The following GRAMD1C variants were observed in gnomAD, a reference collection of about 807,000 sequenced individuals.
The protein encoded by GRAMD1C is protein Aster-C.
Under a neutral mutation model 97.8 loss-of-function variants are expected in GRAMD1C, and 89 were observed. That is an observed-to-expected ratio of 0.91 (90% confidence interval 0.77 to 1.09). The LOEUF is 1.09. Among genes scored for constraint, GRAMD1C ranks in the 50% least tolerant of loss-of-function variants. The pLI, the probability that GRAMD1C is intolerant of heterozygous loss-of-function variation, is 0.00. For missense variants in GRAMD1C, 740 were observed against 766.4 expected, an observed-to-expected ratio of 0.97 and a Z score of 0.41; for synonymous variants, 256 against 267.0, an observed-to-expected ratio of 0.96 and a Z score of 0.40.
At chr3:113,929,332 T>C (rs997594194) in intron 10 of GRAMD1C, among the ~76,000 whole-genome samples, 1 of 152,198 alleles carries the variant, frequency 6.6e-6, no homozygotes, top group African/African-American at 2.4e-5. Context: ...ACTTAGGTAT[T>C]GGAGGATTGA....
intron 2 of GRAMD1C, among the ~76,000 whole-genome samples, chr3:113,854,223 G>A (rs981040939): frequency 5.9e-5 from 9 of 152,164 alleles, no homozygotes; most frequent in African/African-American, 1.4e-4. Flanking sequence ...ATATACTACC[G>A]AATCTTCGGG....
chr3:113,941,241 T>C (rs1224296081), intron 17 of GRAMD1C, among the ~76,000 whole-genome samples: 1 of 152,240 alleles, frequency 6.6e-6, no homozygotes, highest in Non-Finnish European at 1.5e-5. Context: ...TTTGAAGGCA[T>C]TGCTCCATTA....
At chr3:113,856,882 C>T (rs1934153040) in intron 2 of GRAMD1C, among the ~76,000 whole-genome samples, 2 of 150,750 alleles carry the variant, frequency 1.3e-5, no homozygotes, top group Non-Finnish European at 2.9e-5. Context: ...CTCTGTTGCC[C>T]AGACTGGAGT....
intron 6 of GRAMD1C, chr3:113,890,648 G>A (rs768491366): frequency 1.0e-4 from 67 of 652,594 alleles, no homozygotes; most frequent in Non-Finnish European, 1.6e-4. Flanking sequence ...CTCAGAATCC[G>A]TGAGGTGCAT....
chr3:113,869,190 G>A (rs1934697373), intron 2 of GRAMD1C, among the ~76,000 whole-genome samples: 1 of 152,092 alleles, frequency 6.6e-6, no homozygotes, highest in Non-Finnish European at 1.5e-5. Flanking sequence ...CCTAAGTTCA[G>A]TGGATTTTCA....
chr3:113,905,114 A>G (rs1450576921), intron 8 of GRAMD1C, among the ~76,000 whole-genome samples: 1 of 152,190 alleles, frequency 6.6e-6, no homozygotes, highest in Non-Finnish European at 1.5e-5. Context: ...GATCACAGGC[A>G]TGAGCCAGCA....
chr3:113,896,025 G>A (rs953959564), intron 6 of GRAMD1C, among the ~76,000 whole-genome samples: 2 of 151,978 alleles, frequency 1.3e-5, no homozygotes, highest in Admixed American at 6.6e-5. Flanking sequence ...TTGATATTTC[G>A]ACAATGTAAA....
chr3:113,923,186 G>T (rs1463872170), intron 10 of GRAMD1C, among the ~76,000 whole-genome samples: 2 of 151,852 alleles, frequency 1.3e-5, no homozygotes, highest in African/African-American at 4.8e-5. Context: ...CACACTATGG[G>T]GTTTTCTAGG....
At chr3:113,864,696 A>G (rs749493260) in intron 2 of GRAMD1C, among the ~76,000 whole-genome samples, 13 of 152,338 alleles carry the variant, frequency 8.5e-5, no homozygotes, top group Non-Finnish European at 1.6e-4. Flanking sequence ...TTTACTGTCC[A>G]CATTTCTACG....
At chr3:113,935,521 T>C (rs1402389644) in intron 13 of GRAMD1C, among the ~76,000 whole-genome samples, 1 of 151,202 alleles carries the variant, frequency 6.6e-6, no homozygotes, top group Non-Finnish European at 1.5e-5. Flanking sequence ...CACACACATA[T>C]ATGCATGTAT....
intron 10 of GRAMD1C, among the ~76,000 whole-genome samples, chr3:113,922,759 C>A (rs933711584): frequency 6.6e-6 from 1 of 152,040 alleles, no homozygotes; most frequent in Non-Finnish European, 1.5e-5. Flanking sequence ...GGCTATTGGG[C>A]TCTTTTTTGG....
chr3:113,882,640 G>T (rs1577159628), intron 5 of GRAMD1C, 112 bp from the exon 6 acceptor site: 1 of 637,218 alleles, frequency 1.6e-6, no homozygotes, highest in Non-Finnish European at 2.9e-6. Context: ...AGTAGGCAGT[G>T]TTGACCTACT....
At chr3:113,914,190 G>A (rs910776487) in intron 9 of GRAMD1C, among the ~76,000 whole-genome samples, 5 of 152,094 alleles carry the variant, frequency 3.3e-5, no homozygotes, top group African/African-American at 1.2e-4. Flanking sequence ...AGGCCTAATT[G>A]GAAAGTTACC....
chr3:113,906,585 T>G (rs1234598172), intron 8 of GRAMD1C, among the ~76,000 whole-genome samples: 1 of 152,206 alleles, frequency 6.6e-6, no homozygotes, highest in Non-Finnish European at 1.5e-5. Context: ...GTCAAAAAGT[T>G]TTAAAAAAAA....
At chr3:113,831,981 T>C (rs995675141) in intron 1 of GRAMD1C, among the ~76,000 whole-genome samples, 1 of 152,190 alleles carries the variant, frequency 6.6e-6, no homozygotes, top group Non-Finnish European at 1.5e-5. Flanking sequence ...TTTCTTTGTG[T>C]ACCTTATAAT....
At chr3:113,941,418 A>G (rs1937768919) in intron 17 of GRAMD1C, among the ~76,000 whole-genome samples, 1 of 152,022 alleles carries the variant, frequency 6.6e-6, no homozygotes. Flanking sequence ...CCTGTTATTC[A>G]GATGTCAGCC....
At chr3:113,843,891 T>C (rs886754899) in intron 1 of GRAMD1C, among the ~76,000 whole-genome samples, 2 of 152,246 alleles carry the variant, frequency 1.3e-5, no homozygotes, top group African/African-American at 2.4e-5. Flanking sequence ...TCTATGTGTA[T>C]ATTAAATTGC....
chr3:113,888,410 A>C (rs768973453), intron 6 of GRAMD1C, among the ~76,000 whole-genome samples: 3 of 152,208 alleles, frequency 2.0e-5, no homozygotes, highest in Non-Finnish European at 4.4e-5. Context: ...CTGGAGATCA[A>C]ATGTGCACCA....
At chr3:113,877,402 C>G (rs1009316372) in intron 5 of GRAMD1C, among the ~76,000 whole-genome samples, 1 of 152,156 alleles carries the variant, frequency 6.6e-6, no homozygotes, top group African/African-American at 2.4e-5. Flanking sequence ...CAATAATATC[C>G]TTTATAGCAA....
Sources: allele counts gnomAD v4.1 joint callset (sites outside exome capture counted in the v4.1 genomes callset), GRCh38; gene constraint gnomAD v4.1.1; transcripts MANE v1.5; gene names NCBI Gene and HGNC (gene_info 2026-07-23, HGNC 2026-07-21).